The following CHRM2 variants were observed in gnomAD, a reference collection of about 807,000 sequenced individuals.
CHRM2 encodes cholinergic receptor muscarinic 2, also known as muscarinic acetylcholine receptor M2.
Under a neutral mutation model 25.0 loss-of-function variants are expected in CHRM2, and 8 were observed. The ratio of observed to expected loss-of-function variants is 0.32; its 90% confidence interval spans 0.19 to 0.58. CHRM2 has a LOEUF of 0.58. Ranked by LOEUF, CHRM2 falls within the 20% of genes least tolerant of loss-of-function variation. CHRM2 has a pLI of 0.88. For synonymous variants in CHRM2, 202 were observed against 205.7 expected, an observed-to-expected ratio of 0.98 and a Z score of 0.15; for missense variants, 440 against 567.1, an observed-to-expected ratio of 0.78 and a Z score of 2.28.
chr7:136,918,615 A>G (rs957119270), intron 2 of CHRM2, among the ~76,000 whole-genome samples: 3 of 151,960 alleles, frequency 2.0e-5, no homozygotes, highest in Admixed American at 2.0e-4. Flanking sequence ...TTTATTAGAG[A>G]CAGTGTCCCT....
intron 3 of CHRM2, among the ~76,000 whole-genome samples, chr7:136,997,089 T>C (rs1803655612): frequency 1.3e-5 from 2 of 152,194 alleles, no homozygotes; most frequent in South Asian, 4.1e-4. Flanking sequence ...TGTGCATATG[T>C]TAACTTATGC....
rs565701193 is a variant in CHRM2, at chr7:136,921,766, TTTTC to T, written c.-125+52376_-125+52379del. ...CTGTAGAAATATACCATTCATGCAA[TTTTC>T]TTTCTTTCTTTCTTTCTTTCTTTCT... On this transcript the variant is annotated intron_variant, in intron 2 of 3. Coordinates refer to ENST00000680005, the MANE Select transcript of CHRM2 (RefSeq NM_001006630.2). Among the ~76,000 whole-genome samples, 46 of 147,634 alleles carry T rather than the reference TTTTC, an allele frequency of 3.1e-4. 1 individual carries two copies. Among genetic ancestry groups the T allele is most frequent in the Non-Finnish European group, 5.0e-4 (33 of 66,134 alleles).
At chr7:136,951,787 G>C (rs1009576145) in intron 2 of CHRM2, among the ~76,000 whole-genome samples, 1 of 152,122 alleles carries the variant, frequency 6.6e-6, no homozygotes, top group Non-Finnish European at 1.5e-5. Flanking sequence ...ATGGTGAATT[G>C]ACTAGTGAGA....
intron 3 of CHRM2, among the ~76,000 whole-genome samples, chr7:137,014,226 G>A (rs1318912355): frequency 6.6e-6 from 1 of 151,894 alleles, no homozygotes; most frequent in Non-Finnish European, 1.5e-5. Context: ...AGAGGCAAGA[G>A]GAAAATAATT....
At chr7:136,949,733 C>G (rs866818649) in intron 2 of CHRM2, among the ~76,000 whole-genome samples, 6 of 106,170 alleles carry the variant, frequency 5.7e-5, no homozygotes, top group Admixed American at 1.3e-4. Context: ...CTTTTTAAAA[C>G]AGTATTTGAT....
intron 2 of CHRM2, among the ~76,000 whole-genome samples, chr7:136,877,211 T>G (rs1376579635): frequency 6.6e-6 from 1 of 152,064 alleles, no homozygotes; most frequent in African/African-American, 2.4e-5. Context: ...CGGAGACTTT[T>G]TGATTTGTTA....
intron 2 of CHRM2, among the ~76,000 whole-genome samples, chr7:136,970,631 GTTCA>G (rs1801699540): frequency 6.6e-6 from 1 of 152,002 alleles, no homozygotes; most frequent in Non-Finnish European, 1.5e-5. Context: ...ATCACCTTCA[GTTCA>G]TTCATGCAAC....
At chr7:136,971,618 CAA>C (rs10708408) in intron 2 of CHRM2, among the ~76,000 whole-genome samples, 2,772 of 93,010 alleles carry the variant, frequency 0.03, 10 homozygotes, top group South Asian at 0.05. Context: ...CTCTGTTTCA[CAA>C]AAAAAAAAAA....
At chr7:136,888,413 C>G (rs1423095441) in intron 2 of CHRM2, among the ~76,000 whole-genome samples, 3 of 152,132 alleles carry the variant, frequency 2.0e-5, no homozygotes, top group Non-Finnish European at 4.4e-5. Flanking sequence ...AGCAGTTGAC[C>G]TGTTGTTGTT....
chr7:136,912,555 C>G (rs6945736), intron 2 of CHRM2, among the ~76,000 whole-genome samples: 47,557 of 151,530 alleles, frequency 0.31, 8,248 homozygotes, highest in African/African-American at 0.45. Flanking sequence ...GGGAACAAGT[C>G]GTCAGGACAT....
At chr7:136,911,562 T>A (rs1797843935) in intron 2 of CHRM2, among the ~76,000 whole-genome samples, 1 of 151,928 alleles carries the variant, frequency 6.6e-6, no homozygotes, top group African/African-American at 2.4e-5. Flanking sequence ...TATCTTCACG[T>A]ACATACTGGG....
chr7:136,873,860 C>T (rs1036287910), intron 2 of CHRM2, among the ~76,000 whole-genome samples: 33 of 152,182 alleles, frequency 2.2e-4, no homozygotes, highest in African/African-American at 5.8e-4. Flanking sequence ...TTAGTTGGCA[C>T]GTGCTTGTCT....
At chr7:136,956,170 A>C (rs1469697733) in intron 2 of CHRM2, among the ~76,000 whole-genome samples, 1 of 152,210 alleles carries the variant, frequency 6.6e-6, no homozygotes, top group Non-Finnish European at 1.5e-5. Flanking sequence ...ATTTTGAACA[A>C]GACAAACAAG....
At position 136,869,279 on chromosome 7, in the gene CHRM2, C is replaced by T. The variant is rs1795717722; in HGVS notation, c.-264C>T. The T allele has an allele frequency of 6.6e-6, 1 of 152,480 alleles. No homozygotes were observed. The highest frequency in any genetic ancestry group is 2.4e-5 in the African/African-American group (1 of 41,460). 9.4% of individuals were successfully genotyped at this position (152,480 alleles called of 1,614,324 possible). ...TTGCAAGATCAAGGGAGAAAGAGAA[C>T]CGGCAGCTGGCCTCGGACTCTAAGC... is the stretch of plus-strand genomic sequence containing the variant. On this transcript the variant is annotated 5_prime_UTR_variant, in exon 2 of 4. Coordinates refer to ENST00000680005, the MANE Select transcript of CHRM2 (RefSeq NM_001006630.2). This position sits in a 1 kb window ranked among gnomAD's most constrained non-coding sequence, Gnocchi z 4.9.
intron 2 of CHRM2, among the ~76,000 whole-genome samples, chr7:136,971,369 A>T (rs1801756048): frequency 6.6e-6 from 1 of 152,176 alleles, no homozygotes; most frequent in South Asian, 2.1e-4. Context: ...CAATCCCAGC[A>T]CTTTGGGAGG....
intron 2 of CHRM2, among the ~76,000 whole-genome samples, chr7:136,893,188 T>C (rs906650306): frequency 6.6e-6 from 1 of 152,150 alleles, no homozygotes; most frequent in East Asian, 1.9e-4. Flanking sequence ...ACCCGCTTCC[T>C]GTCTTAGCTC....
chr7:136,958,628 T>A (rs1681867037), intron 2 of CHRM2, among the ~76,000 whole-genome samples: 1 of 151,924 alleles, frequency 6.6e-6, no homozygotes, highest in Admixed American at 6.6e-5. Flanking sequence ...AGGTAATTTT[T>A]GTATTTTCTA....
chr7:136,960,815 T>A (rs1801024491), intron 2 of CHRM2, among the ~76,000 whole-genome samples: 1 of 152,194 alleles, frequency 6.6e-6, no homozygotes, highest in South Asian at 2.1e-4. Context: ...ATTATTATTT[T>A]GTGATGGATA....
At chr7:136,888,380 A>C (rs1796553299) in intron 2 of CHRM2, among the ~76,000 whole-genome samples, 1 of 152,206 alleles carries the variant, frequency 6.6e-6, no homozygotes, top group African/African-American at 2.4e-5. Flanking sequence ...TTTCTGATTT[A>C]ATCCTTGCTT....
Sources: allele counts gnomAD v4.1 joint callset (sites outside exome capture counted in the v4.1 genomes callset), GRCh38; gene constraint gnomAD v4.1.1; non-coding constraint Gnocchi (gnomAD v3.1); transcripts MANE v1.5; gene names NCBI Gene and HGNC (gene_info 2026-07-23, HGNC 2026-07-21).